The following DTWD2 variants were observed in gnomAD, a reference collection of about 807,000 sequenced individuals.
DTWD2 encodes tRNA-uridine aminocarboxypropyltransferase 2.
DTWD2 carries 39 observed loss-of-function variants against 31.8 expected under a neutral mutation model. That is an observed-to-expected ratio of 1.22 (90% CI 0.95 to 1.60). The LOEUF is 1.60. Among genes scored for constraint, DTWD2 ranks in the 40% most tolerant of loss-of-function variants. The pLI is 0.00. For missense variants in DTWD2, 515 were observed against 381.5 expected (o/e 1.35, Z -2.92); for synonymous variants, 180 against 142.8 (o/e 1.26, Z -1.86).
At chr5:118,882,614 C>T (rs960739683) in intron 4 of DTWD2, among the ~76,000 whole-genome samples, 15 of 152,242 alleles carry the variant, frequency 9.9e-5, no homozygotes, top group Non-Finnish European at 7.3e-5. Flanking sequence ...TCTAGGCTCC[C>T]ATAACTCAAC....
intron 4 of DTWD2, among the ~76,000 whole-genome samples, chr5:118,885,143 T>C (rs1483537976): frequency 1.4e-5 from 2 of 145,280 alleles, no homozygotes; most frequent in Non-Finnish European, 3.0e-5. Flanking sequence ...ATGAAGTCTC[T>C]ACAAAAAATT....
At chr5:118,968,945 T>C (rs1754918925) in intron 1 of DTWD2, among the ~76,000 whole-genome samples, 1 of 152,068 alleles carries the variant, frequency 6.6e-6, no homozygotes, top group Non-Finnish European at 1.5e-5. Context: ...CCTGAGGGGC[T>C]TGGGAGTGGG....
At chr5:118,903,146 T>TA (rs55691479) in intron 4 of DTWD2, among the ~76,000 whole-genome samples, 3,848 of 138,072 alleles carry the variant, frequency 0.028, 94 homozygotes, top group African/African-American at 0.065. Flanking sequence ...GCTAAAATGG[T>TA]AAAAAAAAAA....
chr5:118,843,351 G>GAGGGAGAA (rs1751768448), intron 5 of DTWD2, among the ~76,000 whole-genome samples: 5 of 150,802 alleles, frequency 3.3e-5, no homozygotes, highest in African/African-American at 4.9e-5. Flanking sequence ...GGGAGGCAGG[G>GAGGGAGAA]AGGGAGGAAG....
chr5:118,880,577 A>G (rs10434765), intron 4 of DTWD2, among the ~76,000 whole-genome samples: 27,427 of 152,096 alleles, frequency 0.18, 2,831 homozygotes, highest in African/African-American at 0.28. Context: ...CATCTCTACA[A>G]ACACATACCA....
In DTWD2 at chr5:118,841,410, A is replaced by G. The variant is rs143588732; in HGVS notation, c.727-323T>C. Among the ~76,000 whole-genome samples the G allele has an allele frequency of 7.2e-5, 11 of 152,338 alleles. No homozygotes were observed. In the East Asian group the frequency reaches 2.1e-3, roughly 29 times the overall value. On this transcript the variant is annotated intron_variant, in intron 5 of 5. Transcript: ENST00000510708. The stretch of plus-strand genomic sequence containing the variant: ...TGTTGCCATTATAATTGAATCCATA[A>G]CAAGGAGACTAAATGAGACATTTAA...
At chr5:118,877,035 A>G (rs1752636357) in intron 4 of DTWD2, among the ~76,000 whole-genome samples, 1 of 152,250 alleles carries the variant, frequency 6.6e-6, no homozygotes, top group Admixed American at 6.5e-5. Flanking sequence ...CACCATAATC[A>G]AGTAGGCTTT....
Position 118,939,408 on chromosome 5 carries a change from A to G in DTWD2, c.310-118T>C, listed in dbSNP as rs993301078. On this transcript the variant is annotated intron_variant, in intron 2 of 5. Coordinates refer to ENST00000510708, the MANE Select transcript of DTWD2 (RefSeq NM_173666.4). ...GCATAACTTTCACAAGTCTTTTACTAAAGACCACAGTTTAATAAAAAGAGG... is the reference window on the plus strand; with the variant it reads ...GCATAACTTTCACAAGTCTTTTACTGAAGACCACAGTTTAATAAAAAGAGG... 1.7e-5 allele frequency: 15 copies of G among 863,856 alleles called. No individual in the cohort carries two copies. The Admixed American group carries it at 2.9e-4, about 17-fold the overall frequency. The allele number at this position is 863,856 out of a possible 1,614,324, so 53.5% of individuals were successfully genotyped here.
intron 4 of DTWD2, among the ~76,000 whole-genome samples, chr5:118,856,710 T>TC (rs1413551553): frequency 4.0e-5 from 6 of 151,746 alleles, no homozygotes; most frequent in African/African-American, 1.5e-4. Context: ...ACTAAATTAG[T>TC]CATCAGTTTA....
At chr5:118,869,956 T>C (rs1439931415) in intron 4 of DTWD2, among the ~76,000 whole-genome samples, 1 of 152,102 alleles carries the variant, frequency 6.6e-6, no homozygotes, top group Non-Finnish European at 1.5e-5. Flanking sequence ...CCTTGCTTTA[T>C]CACCGCTTCA....
chr5:118,862,224 T>C (rs188278031), intron 4 of DTWD2, among the ~76,000 whole-genome samples: 3,931 of 152,304 alleles, frequency 0.026, 173 homozygotes, highest in African/African-American at 0.089. Context: ...CCCAAAACCA[T>C]CGCTCCATTC....
chr5:118,931,134 T>C (rs1275031212), intron 3 of DTWD2, among the ~76,000 whole-genome samples: 1 of 151,822 alleles, frequency 6.6e-6, no homozygotes, highest in Non-Finnish European at 1.5e-5. Context: ...GGCTCACCCC[T>C]GTAATCCCAG....
intron 2 of DTWD2, among the ~76,000 whole-genome samples, chr5:118,943,144 G>A (rs1754244751): frequency 6.6e-6 from 1 of 152,164 alleles, no homozygotes; most frequent in African/African-American, 2.4e-5. Flanking sequence ...TGGCCGGCAA[G>A]CTATCAGTTT....
chr5:118,935,390 G>C (rs1039128154), intron 3 of DTWD2, among the ~76,000 whole-genome samples: 1 of 152,222 alleles, frequency 6.6e-6, no homozygotes, highest in Non-Finnish European at 1.5e-5. Flanking sequence ...GTCTGAAGCG[G>C]GGAAGGGGCA....
chr5:118,896,466 G>GA (rs376983041), intron 4 of DTWD2, among the ~76,000 whole-genome samples: 146 of 136,696 alleles, frequency 1.1e-3, no homozygotes, highest in Non-Finnish European at 1.6e-3. Context: ...GAGGAGGATA[G>GA]AAAAAAAAAA....
At chr5:118,978,731 C>T (rs755610620) in intron 1 of DTWD2, among the ~76,000 whole-genome samples, 1 of 152,112 alleles carries the variant, frequency 6.6e-6, no homozygotes, top group Non-Finnish European at 1.5e-5. Context: ...AATGGCCAGG[C>T]ACGGTGGCTC....
chr5:118,926,446 G>T (rs1645985423), intron 4 of DTWD2, among the ~76,000 whole-genome samples: 1 of 152,132 alleles, frequency 6.6e-6, no homozygotes, highest in Non-Finnish European at 1.5e-5. Context: ...AGTGTACACT[G>T]CTCAGGTGAC....
chr5:118,905,975 G>A (rs1413362752), intron 4 of DTWD2, among the ~76,000 whole-genome samples: 2 of 152,082 alleles, frequency 1.3e-5, no homozygotes, highest in Non-Finnish European at 2.9e-5. Context: ...CTGAAGACTT[G>A]TATCCAGAAT....
At chr5:118,906,782 A>C (rs1197975307) in intron 4 of DTWD2, among the ~76,000 whole-genome samples, 1 of 152,190 alleles carries the variant, frequency 6.6e-6, no homozygotes, top group Non-Finnish European at 1.5e-5. Context: ...TAATGGTTTT[A>C]CAAGTGTGCA....
Sources: gnomAD v4.1 joint callset for allele counts (sites outside exome capture counted in the v4.1 genomes callset) on GRCh38, gnomAD v4.1.1 for gene constraint, MANE v1.5 for transcripts, NCBI Gene and HGNC (gene_info 2026-07-23, HGNC 2026-07-21) for gene names.